Variants in CLMP observed in about 807,000 individuals in gnomAD.
The protein encoded by CLMP is CXADR like cell adhesion molecule.
In CLMP, 27 loss-of-function variants were observed where a neutral mutation model predicts 45.2. The ratio of observed to expected loss-of-function variants is 0.60; its 90% CI spans 0.44 to 0.82. CLMP has a LOEUF of 0.82. Ranked by LOEUF, CLMP falls within the 40% of genes least tolerant of loss-of-function variation. The pLI is 0.00. For synonymous variants in CLMP, 167 were observed against 171.4 expected (o/e 0.97, Z 0.20); for missense variants, 403 against 448.4 (o/e 0.90, Z 0.91).
At chr11:123,190,838 A>G (rs1365324024) in intron 1 of CLMP, among the ~76,000 whole-genome samples, 1 of 152,234 alleles carries the variant, frequency 6.6e-6, no homozygotes, top group Non-Finnish European at 1.5e-5. Flanking sequence ...ACATGAGCTG[A>G]AAAGGAAGGA....
rs776344543 is a variant in CLMP, at chr11:123,072,177, G to C, written c.*1297C>G. 2.6e-5 allele frequency: 4 copies of C among 152,144 alleles called. No homozygotes were observed. The highest frequency in any genetic ancestry group is 2.1e-4 in the South Asian group (1 of 4,826). 9.4% of individuals were successfully genotyped at this position (152,144 alleles called of 1,614,324 possible). ...TACTTGCAGTGCCATTAGAAGCATT[G>C]GCAATCCCTGATCTTTTTGATAGTT... is the stretch of plus-strand genomic sequence containing the variant. On this transcript the variant is annotated 3_prime_UTR_variant, in exon 7 of 7. Transcript: ENST00000448775.
intron 1 of CLMP, among the ~76,000 whole-genome samples, chr11:123,150,416 T>TAAGA (rs1166159977): frequency 0.011 from 349 of 30,930 alleles, 43 homozygotes; most frequent in Middle Eastern, 0.028. Flanking sequence ...GGAAGGAAGG[T>TAAGA]AAGAAAGAAA....
intron 6 of CLMP, among the ~76,000 whole-genome samples, 155 bp downstream of exon 6, chr11:123,074,547 C>T (rs1004645161): frequency 2.6e-5 from 4 of 152,136 alleles, no homozygotes; most frequent in Non-Finnish European, 5.9e-5. Context: ...GTAAACCATA[C>T]CCTCTGTCCC....
intron 1 of CLMP, among the ~76,000 whole-genome samples, chr11:123,109,204 A>G (rs915272311): frequency 2.0e-5 from 3 of 152,226 alleles, no homozygotes; most frequent in Admixed American, 2.0e-4. Flanking sequence ...CTATCAGGCA[A>G]GGATGGTGTT....
chr11:123,074,044 G>C (rs1349032883), intron 6 of CLMP, among the ~76,000 whole-genome samples: 1 of 152,112 alleles, frequency 6.6e-6, no homozygotes, highest in Non-Finnish European at 1.5e-5. Flanking sequence ...TCCTGATTTA[G>C]GGTTTGTCTG....
chr11:123,192,636 A>G (rs1654598597), intron 1 of CLMP, among the ~76,000 whole-genome samples: 1 of 152,140 alleles, frequency 6.6e-6, no homozygotes, highest in African/African-American at 2.4e-5. Flanking sequence ...TCTCTTCTCC[A>G]TGGGGCTCAG....
At chr11:123,121,140 A>AC (rs1258550061) in intron 1 of CLMP, among the ~76,000 whole-genome samples, 1 of 151,718 alleles carries the variant, frequency 6.6e-6, no homozygotes, top group African/African-American at 2.4e-5. Context: ...AAAAAAAAAA[A>AC]AAAAAAGCTG....
At chr11:123,151,138 T>C (rs1463819750) in intron 1 of CLMP, among the ~76,000 whole-genome samples, 1 of 152,232 alleles carries the variant, frequency 6.6e-6, no homozygotes, top group Non-Finnish European at 1.5e-5. Context: ...GCGTGCTGTC[T>C]GTGAGCTTAC....
At chr11:123,167,603 T>C (rs575182048) in intron 1 of CLMP, among the ~76,000 whole-genome samples, 1 of 152,142 alleles carries the variant, frequency 6.6e-6, no homozygotes, top group African/African-American at 2.4e-5. Flanking sequence ...GATGTCTTTT[T>C]AGTGAAGCTT....
intron 1 of CLMP, among the ~76,000 whole-genome samples, chr11:123,180,601 A>G (rs1301559997): frequency 3.1e-5 from 1 of 32,488 alleles, no homozygotes; most frequent in African/African-American, 8.2e-5. Flanking sequence ...GCATAGGAGT[A>G]AAAAAAAAAA....
intron 1 of CLMP, among the ~76,000 whole-genome samples, chr11:123,126,360 A>C (rs570912298): frequency 4.6e-5 from 7 of 152,314 alleles, no homozygotes; most frequent in Non-Finnish European, 1.0e-4. Flanking sequence ...ATTCTCTGGG[A>C]AGTTCATCTG....
chr11:123,091,076 T>C (rs1394788364), intron 2 of CLMP, among the ~76,000 whole-genome samples: 1 of 151,438 alleles, frequency 6.6e-6, no homozygotes, highest in African/African-American at 2.5e-5. Flanking sequence ...CTTTTCCTTC[T>C]TTCTTTCTCT....
intron 1 of CLMP, among the ~76,000 whole-genome samples, chr11:123,105,324 T>C (rs1860526293): frequency 6.6e-6 from 1 of 152,144 alleles, no homozygotes; most frequent in Admixed American, 6.5e-5. Flanking sequence ...TTTTATCCTC[T>C]AAAAGGTATT....
chr11:123,120,745 A>G (rs551300658), intron 1 of CLMP, among the ~76,000 whole-genome samples: 3 of 152,274 alleles, frequency 2.0e-5, no homozygotes, highest in African/African-American at 7.2e-5. Context: ...TCAGGATATT[A>G]ATCACAGGGT....
intron 1 of CLMP, among the ~76,000 whole-genome samples, chr11:123,144,679 ATTT>A (rs112635472): frequency 6.6e-6 from 1 of 152,008 alleles, no homozygotes; most frequent in African/African-American, 2.4e-5. Context: ...GGGGATAATG[ATTT>A]TTTTTGGTAA....
chr11:123,165,745 C>T (rs1861547471), intron 1 of CLMP, among the ~76,000 whole-genome samples: 1 of 152,082 alleles, frequency 6.6e-6, no homozygotes, highest in Non-Finnish European at 1.5e-5. Context: ...GGACCTTTCC[C>T]AAACCCTCCC....
At chr11:123,114,228 T>C (rs1447593055) in intron 1 of CLMP, among the ~76,000 whole-genome samples, 1 of 152,192 alleles carries the variant, frequency 6.6e-6, no homozygotes, top group Non-Finnish European at 1.5e-5. Context: ...ATTGAGATTA[T>C]GTTGATAATT....
At chr11:123,079,421 T>G (rs1865775842) in intron 5 of CLMP, among the ~76,000 whole-genome samples, 1 of 152,174 alleles carries the variant, frequency 6.6e-6, no homozygotes, top group Non-Finnish European at 1.5e-5. Context: ...TTTTTATTTC[T>G]TTTCCTGAAA....
chr11:123,100,824 T>A (rs1454211375), intron 1 of CLMP, among the ~76,000 whole-genome samples: 1 of 151,914 alleles, frequency 6.6e-6, no homozygotes, highest in African/African-American at 2.4e-5. Context: ...TTCCTCCCAC[T>A]GAGACAGGAA....
Sources: gnomAD v4.1 joint callset for allele counts (sites outside exome capture counted in the v4.1 genomes callset) on GRCh38, gnomAD v4.1.1 for gene constraint, MANE v1.5 for transcripts, NCBI Gene and HGNC (gene_info 2026-07-23, HGNC 2026-07-21) for gene names.